TAF4B: variants seen among roughly 807,000 people sequenced by gnomAD.
The protein encoded by TAF4B is TATA-box binding protein associated factor 4b.
In TAF4B, 38 loss-of-function variants were observed where a neutral mutation model predicts 86.4. That is an observed-to-expected ratio of 0.44 (90% CI 0.34 to 0.58). The LOEUF is 0.58. Ranked by LOEUF, TAF4B falls within the 20% of genes least tolerant of loss-of-function variation. TAF4B has a pLI of 0.02. For synonymous variants in TAF4B, 388 were observed against 391.2 expected (o/e 0.99, Z 0.10); for missense variants, 988 against 1,027.6 (o/e 0.96, Z 0.53).
In TAF4B at chr18:26,265,255, C is replaced by T. The variant is rs1465300334; in HGVS notation, c.429C>T (p.Asn143=). 3 of 1,614,124 alleles carry T rather than the reference C, an allele frequency of 1.9e-6. No individual in the cohort carries two copies. The highest frequency in any genetic ancestry group is 1.1e-5 in the South Asian group (1 of 91,086). Residue 143 remains asparagine, a synonymous_variant, in exon 2 of 15, where the codon AAC becomes AAT. Coordinates refer to ENST00000269142, the MANE Select transcript of TAF4B (RefSeq NM_005640.3). ...TAACAAGAGCCGAGACCACAAGTAA[C>T]ATAACCTCAAGGCCAGCAGTACCAG... ...QTVTRAETTS[N]ITSRPAVPAN...
intron 10 of TAF4B, among the ~76,000 whole-genome samples, chr18:26,315,895 G>T (rs2056906069): frequency 6.6e-6 from 1 of 152,122 alleles, no homozygotes. Context: ...GATAGCTGCA[G>T]TGTGAAAGAA....
At chr18:26,280,040 T>C (rs1364319097) in intron 5 of TAF4B, among the ~76,000 whole-genome samples, 1 of 56,226 alleles carries the variant, frequency 1.8e-5, no homozygotes, top group Non-Finnish European at 3.6e-5. Flanking sequence ...TGAGACTCTA[T>C]CTCAAAAAAA....
chr18:26,230,431 A>G (rs540731441), intron 1 of TAF4B, among the ~76,000 whole-genome samples: 2 of 152,294 alleles, frequency 1.3e-5, no homozygotes, highest in African/African-American at 4.8e-5. Flanking sequence ...AGTGTACATG[A>G]TCATCACTTC....
At position 26,274,701 on chromosome 18, in the gene TAF4B, T is replaced by C. The variant is rs762811732; in HGVS notation, c.636T>C (p.Pro212=). The change falls in exon 4 of 15, where the codon CCT becomes CCC. Residue 212 remains proline (P), a synonymous_variant. Transcript: ENST00000269142. Reference sequence around the variant, plus strand: ...CAACCAGTGTCGTCACAGTTACTCCTGGAAAGCCATTGAATACTGTAACTA... The same window carrying C: ...CAACCAGTGTCGTCACAGTTACTCCCGGAAAGCCATTGAATACTGTAACTA... ...AVPTSVVTVT[P]GKPLNTVTTL... is the part of the protein sequence containing the mutation. The C allele has an allele frequency of 6.2e-7, 1 of 1,614,190 alleles. No individual in the cohort carries two copies. Among genetic ancestry groups the C allele is most frequent in the Non-Finnish European group, 8.5e-7 (1 of 1,180,016 alleles).
intron 14 of TAF4B, among the ~76,000 whole-genome samples, chr18:26,376,226 C>CA (rs200383120): frequency 0.037 from 4,649 of 125,104 alleles, 78 homozygotes; most frequent in African/African-American, 0.052. Flanking sequence ...TAATTTCAAC[C>CA]AAAAAAAAAA....
chr18:26,313,721 A>G (rs1199187909), intron 9 of TAF4B, among the ~76,000 whole-genome samples: 1 of 151,810 alleles, frequency 6.6e-6, no homozygotes, highest in African/African-American at 2.4e-5. Flanking sequence ...GCTACAGTGC[A>G]GTGGCCTGAT....
At chr18:26,240,212 A>G (rs1010760994) in intron 1 of TAF4B, among the ~76,000 whole-genome samples, 1 of 152,138 alleles carries the variant, frequency 6.6e-6, no homozygotes, top group African/African-American at 2.4e-5. Flanking sequence ...GATTCTTCCT[A>G]TCCATGAGCA....
At chr18:26,367,982 A>C (rs562271481) in intron 14 of TAF4B, among the ~76,000 whole-genome samples, 1 of 152,288 alleles carries the variant, frequency 6.6e-6, no homozygotes, top group Admixed American at 6.5e-5. Flanking sequence ...TTGTCACTGC[A>C]ATTTTTTATT....
chr18:26,303,884 A>G (rs990001098), intron 9 of TAF4B, among the ~76,000 whole-genome samples: 1 of 152,148 alleles, frequency 6.6e-6, no homozygotes, highest in Non-Finnish European at 1.5e-5. Context: ...TCTCCATTAT[A>G]TATACCTTTT....
In TAF4B at chr18:26,384,233, C is replaced by G. The variant is rs528174021; in HGVS notation, c.2422-5612C>G. On this transcript the variant is annotated intron_variant, in intron 14 of 14. Coordinates refer to ENST00000269142, the MANE Select transcript of TAF4B (RefSeq NM_005640.3). The stretch of plus-strand genomic sequence containing the variant: ...TGTCATGAATCTTTGCCTCTTGATT[C>G]CTCTATTAAGAAATTCTCAGTTTTT... Among the ~76,000 whole-genome samples, 14 of 152,232 alleles carry G rather than the reference C, an allele frequency of 9.2e-5. No homozygotes were observed. In the South Asian group the frequency reaches 2.3e-3, roughly 25 times the overall value.
At position 26,286,086 on chromosome 18, in the gene TAF4B, G is replaced by T. The variant is rs2056518244; in HGVS notation, c.1177G>T (p.Val393Leu). The T allele has an allele frequency of 6.2e-7, 1 of 1,614,230 alleles. No individual in the cohort carries two copies. The highest frequency in any genetic ancestry group is 8.5e-7 in the Non-Finnish European group (1 of 1,180,036). The change falls in exon 7 of 15, where the codon GTG (valine) becomes TTG (leucine). Residue 393 changes from valine to leucine, a missense_variant. Val to Leu is a conservative substitution (Grantham distance 32, BLOSUM62 1). Coordinates refer to ENST00000269142, the MANE Select transcript of TAF4B (RefSeq NM_005640.3). Reference protein sequence around the residue: ...SGATAPRTVSVQTLNPLAGPV... With the variant: ...SGATAPRTVSLQTLNPLAGPV... ...AGCAACAGCACCCAGAACTGTGTCA[G>T]TGCAAACTTTGAACCCACTTGCTGG...
At chr18:26,351,106 G>A (rs2057241651) in intron 13 of TAF4B, among the ~76,000 whole-genome samples, 1 of 152,070 alleles carries the variant, frequency 6.6e-6, no homozygotes, top group Admixed American at 6.5e-5. Context: ...CTGATATGTG[G>A]AATCAACCCA....
rs971274140 is a variant in TAF4B at position 26,267,502 on chromosome 18, C to T, written c.490-14C>T. The T allele has an allele frequency of 2.6e-5, 41 of 1,592,624 alleles. No individual in the cohort carries two copies. Among genetic ancestry groups the T allele is most frequent in the Non-Finnish European group, 3.4e-5 (39 of 1,160,512 alleles). On this transcript the variant is annotated splice_polypyrimidine_tract_variant and intron_variant, in intron 2 of 14. Coordinates refer to ENST00000269142, the MANE Select transcript of TAF4B (RefSeq NM_005640.3). The stretch of plus-strand genomic sequence containing the variant: ...TAATGACTTTGTGTTATCTTGCTCC[C>T]CTCCACCGCCAAGAACTCTAGCTCA...
chr18:26,338,879 T>C (rs977239383), intron 13 of TAF4B, among the ~76,000 whole-genome samples: 1 of 152,224 alleles, frequency 6.6e-6, no homozygotes, highest in African/African-American at 2.4e-5. Flanking sequence ...GACAGGTTTT[T>C]ATAAAAGCAT....
chr18:26,226,599 G>C lies in TAF4B; in HGVS notation c.-335G>C, dbSNP rs1172670098. 1 of 226,548 alleles carries C rather than the reference G, an allele frequency of 4.4e-6. No individual in the cohort carries two copies. The highest frequency in any genetic ancestry group is 8.6e-6 in the Non-Finnish European group (1 of 116,584). 14.0% of individuals were successfully genotyped at this position (226,548 alleles called of 1,614,324 possible). On this transcript the variant is annotated 5_prime_UTR_variant, in exon 1 of 15. Coordinates refer to ENST00000269142, the MANE Select transcript of TAF4B (RefSeq NM_005640.3). ...AGGTGTGAGCGACGACCTTCCGGGA[G>C]CCGCAAGTCCAGGCTCCCCCGCAGC...
At chr18:26,272,998 CTTA>C (rs2056340485) in intron 3 of TAF4B, among the ~76,000 whole-genome samples, 1 of 152,064 alleles carries the variant, frequency 6.6e-6, no homozygotes, top group Non-Finnish European at 1.5e-5. Flanking sequence ...ATTTTAAAAT[CTTA>C]TTAAAGTTTT....
chr18:26,357,939 T>C (rs1222330105), intron 14 of TAF4B, 145 bp downstream of exon 14: 2 of 535,212 alleles, frequency 3.7e-6, no homozygotes, highest in Non-Finnish European at 6.3e-6. Flanking sequence ...TTTTATAAAA[T>C]CTTAATTTTT....
At chr18:26,277,550 C>G (rs748033872) in intron 5 of TAF4B, among the ~76,000 whole-genome samples, 3 of 152,108 alleles carry the variant, frequency 2.0e-5, no homozygotes, top group Non-Finnish European at 2.9e-5. Flanking sequence ...CAGCTGGATT[C>G]TCATATCTTC....
chr18:26,286,620 ATTTTTT>A, intron 7 of TAF4B, 121 bp downstream of exon 7: 1 of 789,220 alleles, frequency 1.3e-6, no homozygotes, highest in East Asian at 3.2e-5. Context: ...TGACCAATTA[ATTTTTT>A]TTTTTTTTTA....
Sources: allele counts gnomAD v4.1 joint callset (sites outside exome capture counted in the v4.1 genomes callset), GRCh38; gene constraint gnomAD v4.1.1; transcripts MANE v1.5; gene names NCBI Gene and HGNC (gene_info 2026-07-23, HGNC 2026-07-21).